Variants in IST1 observed in about 807,000 individuals in gnomAD.
IST1 encodes the protein IST1 homolog.
In IST1, 23 loss-of-function variants were observed where a neutral mutation model predicts 37.0. That is an observed-to-expected ratio of 0.62 (90% CI 0.45 to 0.88). IST1 has a LOEUF of 0.88. IST1 is among the 40% of genes least tolerant of loss of function. The pLI is 0.00. For synonymous variants in IST1, 180 were observed against 161.7 expected (o/e 1.11, Z -0.86); for missense variants, 488 against 445.4 (o/e 1.10, Z -0.86).
Position 71,895,563 on chromosome 16 carries a change from G to T in IST1, c.-42G>T, listed in dbSNP as rs1441048586. 3.0e-6 allele frequency: 3 copies of T among 985,650 alleles called. No homozygotes were observed. Among genetic ancestry groups the T allele is most frequent in the Non-Finnish European group, 3.6e-6 (3 of 830,004 alleles). 61.1% of individuals were successfully genotyped at this position (985,650 alleles called of 1,614,324 possible). On this transcript the variant is annotated 5_prime_UTR_variant, in exon 1 of 10. Transcript: ENST00000378799. ...ATGGTGAACCCTGAAGTCGGTGTCT[G>T]CTGCGTTCACGGCAGGATTCGGTTA...
chr16:71,904,119 T>G (rs956605658), intron 1 of IST1, among the ~76,000 whole-genome samples: 10 of 152,214 alleles, frequency 6.6e-5, no homozygotes, highest in Non-Finnish European at 1.3e-4. Flanking sequence ...TTCTATTTGT[T>G]TGGTGGTGGT....
chr16:71,899,071 T>C (rs1362232631), intron 1 of IST1, among the ~76,000 whole-genome samples: 1 of 152,236 alleles, frequency 6.6e-6, no homozygotes, highest in Non-Finnish European at 1.5e-5. Context: ...ACTTTCTTTA[T>C]GCCTGTGCAT....
intron 2 of IST1, 99 bp from the exon 3 acceptor site, chr16:71,916,363 A>T: frequency 4.4e-6 from 5 of 1,146,854 alleles, no homozygotes; most frequent in Non-Finnish European, 5.1e-6. Context: ...GCTAGGATAT[A>T]GTAGAAACAC....
At chr16:71,894,551 T>C (rs1326341730), upstream of IST1, 3 of 297,576 alleles carry the variant, frequency 1.0e-5, no homozygotes, top group East Asian at 6.7e-5. Context: ...CGGCCCTTTT[T>C]CTTTTTTTCT....
intron 3 of IST1, 147 bp downstream of exon 3, chr16:71,916,789 A>G (rs1597249098): frequency 2.7e-6 from 2 of 745,266 alleles, no homozygotes; most frequent in Non-Finnish European, 2.1e-6. Context: ...AAGAAAATAC[A>G]GAATCTGAAA....
At chr16:71,894,697 ACT>A, upstream of IST1, 1 of 550,638 alleles carries the variant, frequency 1.8e-6, no homozygotes, top group Non-Finnish European at 3.1e-6. Context: ...CTAATTTTTA[ACT>A]TTTTTTTTTT....
intron 5 of IST1, 119 bp downstream of exon 5, chr16:71,920,941 G>T: frequency 1.3e-6 from 1 of 770,278 alleles, no homozygotes; most frequent in East Asian, 2.6e-5. Context: ...CTTTCATAGT[G>T]GGGTGAGGAG....
chr16:71,904,248 C>G (rs1444747375), intron 1 of IST1, among the ~76,000 whole-genome samples: 3 of 152,180 alleles, frequency 2.0e-5, no homozygotes, highest in Non-Finnish European at 4.4e-5. Context: ...CTCAGCCTCC[C>G]AAGTAGCTGG....
At chr16:71,901,406 G>T (rs2037105413) in intron 1 of IST1, among the ~76,000 whole-genome samples, 1 of 152,006 alleles carries the variant, frequency 6.6e-6, no homozygotes, top group Admixed American at 6.6e-5. Flanking sequence ...GTAGAGATGG[G>T]GTTTCACTGC....
chr16:71,925,157 C>T (rs538422489), intron 9 of IST1, among the ~76,000 whole-genome samples: 29 of 150,748 alleles, frequency 1.9e-4, no homozygotes, highest in African/African-American at 4.9e-4. Context: ...GGACTACAGG[C>T]GCCCGCCACC....
rs1394598211 is a variant in IST1 at position 71,929,646 on chromosome 16, CTGTAGCAG to C, written c.*1838_*1845del. ...TGATTCCTAACAAATTTGAGAGCTT[CTGTAGCAG>C]TGTATCTATTAGTGCAGCTTCTTTC... On this transcript the variant is annotated 3_prime_UTR_variant, in exon 10 of 10. Coordinates refer to ENST00000378799, the MANE Select transcript of IST1 (RefSeq NM_001270975.2). 2 of 1,551,620 alleles carry C rather than the reference CTGTAGCAG, an allele frequency of 1.3e-6. No homozygotes were observed. The highest frequency in any genetic ancestry group is 8.7e-7 in the Non-Finnish European group (1 of 1,146,864).
At chr16:71,895,750 G>A in intron 1 of IST1, 161 bp downstream of exon 1, 1 of 189,480 alleles carries the variant, frequency 5.3e-6, no homozygotes, top group Non-Finnish European at 9.8e-6. Flanking sequence ...GGTCAGACCG[G>A]AGGTCAGGCC....
rs370269917 is a variant in IST1 at position 71,916,530 on chromosome 16, C to T, written c.157C>T (p.Arg53Trp). The stretch of plus-strand genomic sequence containing the variant: ...GGCTGCTGGGAAAGATGAACGAGCT[C>T]GGATCCGTGTGGAGCACATTATCCG... ...YLAAGKDERA[R>W]IRVEHIIRED... is the part of the protein sequence containing the mutation. Residue 53 changes from arginine (R) to tryptophan (W), a missense_variant, in exon 3 of 10, where the codon CGG becomes TGG. Coordinates refer to ENST00000378799, the MANE Select transcript of IST1 (RefSeq NM_001270975.2). 1.1e-5 allele frequency: 18 copies of T among 1,613,630 alleles called. No homozygotes were observed. Among genetic ancestry groups the T allele is most frequent in the Non-Finnish European group, 1.4e-5 (17 of 1,179,860 alleles).
upstream of IST1, chr16:71,895,405 C>T (rs2036941979): frequency 2.1e-5 from 11 of 533,542 alleles, no homozygotes; most frequent in Non-Finnish European, 2.4e-5. Context: ...GGAGGGTGCC[C>T]CGAGTCAGCG....
Position 71,929,628 on chromosome 16 carries a change from T to TAACA in IST1, c.*1818_*1821dup. 6.4e-7 allele frequency: 1 copy of TAACA among 1,551,772 alleles called. No homozygotes were observed. ...AGGTTTTTTGGGGCCAACTGATTCC[T>TAACA]AACAAATTTGAGAGCTTCTGTAGCA... is the stretch of plus-strand genomic sequence containing the variant. On this transcript the variant is annotated 3_prime_UTR_variant, in exon 10 of 10. Coordinates refer to ENST00000378799, the MANE Select transcript of IST1 (RefSeq NM_001270975.2).
At chr16:71,895,346 C>A (rs1255657108), upstream of IST1, 1 of 167,170 alleles carries the variant, frequency 6.0e-6, no homozygotes, top group African/African-American at 2.4e-5. Flanking sequence ...TGCCGTGCCC[C>A]CGCCGCGGGA....
At chr16:71,927,358 AT>A (rs1463713648) in intron 9 of IST1, among the ~76,000 whole-genome samples, 1 of 151,954 alleles carries the variant, frequency 6.6e-6, no homozygotes, top group Non-Finnish European at 1.5e-5. Flanking sequence ...GTGTGGTGGC[AT>A]GCGCCTGTAA....
rs2142602024 is a variant in IST1, at chr16:71,924,940, T to C, written c.901+123T>C. On this transcript the variant is annotated intron_variant, in intron 9 of 9. Coordinates refer to ENST00000378799, the MANE Select transcript of IST1 (RefSeq NM_001270975.2). ...GGACTTCTATCTGCATGCCCTGTTCTCTTCCCAAATGCTAAAATAGAACTC... is the reference window on the plus strand; with the variant it reads ...GGACTTCTATCTGCATGCCCTGTTCCCTTCCCAAATGCTAAAATAGAACTC... The C allele has an allele frequency of 1.0e-5, 7 of 668,774 alleles. No individual in the cohort carries two copies. In the South Asian group the frequency reaches 1.1e-4, roughly 10 times the overall value. The allele number at this position is 668,774 out of a possible 1,614,324, so 41.4% of individuals were successfully genotyped here.
At chr16:71,906,410 C>T (rs1415713929) in intron 1 of IST1, among the ~76,000 whole-genome samples, 4 of 152,042 alleles carry the variant, frequency 2.6e-5, no homozygotes, top group East Asian at 1.9e-4. Context: ...TGTGTTCAAG[C>T]GGTTCTCCTG....
Sources: allele counts gnomAD v4.1 joint callset (sites outside exome capture counted in the v4.1 genomes callset), GRCh38; gene constraint gnomAD v4.1.1; transcripts MANE v1.5; gene names NCBI Gene and HGNC (gene_info 2026-07-23, HGNC 2026-07-21).